Variants in ATRNL1 observed in about 807,000 individuals in gnomAD.
ATRNL1 encodes the protein attractin-like protein 1.
ATRNL1 carries 95 observed loss-of-function variants against 182.7 expected under a neutral mutation model. The observed-to-expected ratio is 0.52, with a 90% confidence interval of 0.44 to 0.62. The LOEUF (loss-of-function observed/expected upper bound fraction) is 0.62. Among genes scored for constraint, ATRNL1 ranks in the 20% least tolerant of loss-of-function variants. The pLI, the probability that ATRNL1 is intolerant of heterozygous loss-of-function variation, is 0.00. For synonymous variants in ATRNL1, 576 were observed against 568.3 expected, an observed-to-expected ratio of 1.01 and a Z score of -0.19; for missense variants, 1,471 against 1,679.5, an observed-to-expected ratio of 0.88 and a Z score of 2.17.
chr10:115,520,189 C>T (rs2133703515), intron 25 of ATRNL1, among the ~76,000 whole-genome samples: 1 of 152,226 alleles, frequency 6.6e-6, no homozygotes, highest in South Asian at 2.1e-4. Flanking sequence ...CAACACTCAC[C>T]AACTTGGCTG....
intron 6 of ATRNL1, among the ~76,000 whole-genome samples, chr10:115,162,278 A>T (rs990089778): frequency 1.2e-4 from 19 of 152,216 alleles, no homozygotes; most frequent in African/African-American, 4.3e-4. Flanking sequence ...GCCAAAGAAG[A>T]GGGAGTTGCA....
intron 21 of ATRNL1, among the ~76,000 whole-genome samples, chr10:115,442,157 G>A (rs535178759): frequency 7.2e-4 from 110 of 151,924 alleles, no homozygotes; most frequent in African/African-American, 2.5e-3. Flanking sequence ...TCCATGATGT[G>A]GCCCTTACCT....
chr10:115,920,884 A>C (rs1953036705), intron 28 of ATRNL1, among the ~76,000 whole-genome samples: 1 of 152,268 alleles, frequency 6.6e-6, no homozygotes, highest in Admixed American at 6.5e-5. Flanking sequence ...TCAAAATATC[A>C]GCACTTATTT....
intron 27 of ATRNL1, among the ~76,000 whole-genome samples, chr10:115,785,321 C>T (rs1269317799): frequency 6.6e-6 from 1 of 152,184 alleles, no homozygotes; most frequent in Non-Finnish European, 1.5e-5. Context: ...GGGAATAATC[C>T]TCTCATGATA....
At chr10:115,404,098 G>A (rs1001800876) in intron 20 of ATRNL1, among the ~76,000 whole-genome samples, 2 of 152,122 alleles carry the variant, frequency 1.3e-5, no homozygotes, top group African/African-American at 2.4e-5. Context: ...CCTATGTCAG[G>A]TAAATGTTTG....
intron 26 of ATRNL1, among the ~76,000 whole-genome samples, chr10:115,725,737 T>TC (rs75935010): frequency 0.37 from 56,195 of 151,946 alleles, 11,241 homozygotes; most frequent in East Asian, 0.59. Context: ...GCATTTACTA[T>TC]CCTTAGCATT....
intron 28 of ATRNL1, among the ~76,000 whole-genome samples, chr10:115,851,763 C>T (rs893636003): frequency 6.6e-5 from 10 of 152,078 alleles, no homozygotes; most frequent in African/African-American, 1.9e-4. Context: ...CACTGCAATC[C>T]GTGCCAGACT....
chr10:115,346,401 G>C (rs1380769945), intron 19 of ATRNL1, among the ~76,000 whole-genome samples: 2 of 152,136 alleles, frequency 1.3e-5, no homozygotes, highest in Non-Finnish European at 2.9e-5. Context: ...CTTAGCATAA[G>C]CCTTCATGGT....
At chr10:115,584,638 C>CT in intron 26 of ATRNL1, among the ~76,000 whole-genome samples, 1 of 150,606 alleles carries the variant, frequency 6.6e-6, no homozygotes, top group South Asian at 2.1e-4. Context: ...ATTCTTCTCT[C>CT]TTTTTTTCTT....
Position 115,669,940 on chromosome 10 carries a change from A to G in ATRNL1, c.3796-57308A>G, listed in dbSNP as rs187951693. 2.6e-5 allele frequency among the ~76,000 whole-genome samples: 4 copies of G among 152,198 alleles called. No individual in the cohort carries two copies. In the East Asian group the frequency reaches 5.8e-4, roughly 22 times the overall value. On this transcript the variant is annotated intron_variant, in intron 26 of 28. Transcript: ENST00000355044. The stretch of plus-strand genomic sequence containing the variant: ...GTTTTTAACAGCTCTCCAATTTCAT[A>G]ACTTGTCATTTCCCTTTTCTTTGAT...
At chr10:115,255,404 G>A (rs559034955) in intron 10 of ATRNL1, among the ~76,000 whole-genome samples, 12 of 152,234 alleles carry the variant, frequency 7.9e-5, no homozygotes, top group South Asian at 2.1e-4. Flanking sequence ...TGGCAATGGC[G>A]AATGGGAGTT....
intron 13 of ATRNL1, among the ~76,000 whole-genome samples, chr10:115,273,698 G>A (rs1851974752): frequency 1.3e-5 from 2 of 152,194 alleles, no homozygotes; most frequent in South Asian, 4.1e-4. Context: ...AGAACCATCT[G>A]TAAATGAAAC....
chr10:115,126,293 C>T (rs1420691679), intron 3 of ATRNL1, among the ~76,000 whole-genome samples: 2 of 152,130 alleles, frequency 1.3e-5, no homozygotes, highest in African/African-American at 2.4e-5. Context: ...CTCTTGACCT[C>T]GTTATCCGCC....
At chr10:115,255,527 G>A (rs1185018675) in intron 10 of ATRNL1, among the ~76,000 whole-genome samples, 1 of 152,180 alleles carries the variant, frequency 6.6e-6, no homozygotes, top group African/African-American at 2.4e-5. Context: ...TCAGCTTAAG[G>A]AGATTTTGGG....
chr10:115,373,571 G>T (rs1554948682), intron 19 of ATRNL1, among the ~76,000 whole-genome samples: 1 of 152,016 alleles, frequency 6.6e-6, no homozygotes, highest in Non-Finnish European at 1.5e-5. Context: ...AATCATGGAA[G>T]AATGTTGTAT....
chr10:115,744,610 A>G (rs1181029277), intron 27 of ATRNL1, among the ~76,000 whole-genome samples: 1 of 152,142 alleles, frequency 6.6e-6, no homozygotes, highest in African/African-American at 2.4e-5. Flanking sequence ...AAGATATTTC[A>G]TTATATTTAC....
rs538007855 is a variant in ATRNL1, at chr10:115,712,921, C to T, written c.3796-14327C>T. On this transcript the variant is annotated intron_variant, in intron 26 of 28. Coordinates refer to ENST00000355044, the MANE Select transcript of ATRNL1 (RefSeq NM_207303.4). Reference sequence around the variant, plus strand: ...ATTTTTAATCATATCAACCCAGTCCCGAGCACATCTTATTCATGCCTTCTC... The same window carrying T: ...ATTTTTAATCATATCAACCCAGTCCTGAGCACATCTTATTCATGCCTTCTC... 3.0e-4 allele frequency among the ~76,000 whole-genome samples: 45 copies of T among 151,998 alleles called. No homozygotes were observed. In the Middle Eastern group the frequency reaches 0.01, roughly 35 times the overall value.
chr10:115,654,549 A>C (rs1413679478), intron 26 of ATRNL1, among the ~76,000 whole-genome samples: 1 of 152,060 alleles, frequency 6.6e-6, no homozygotes. Flanking sequence ...ACTAATTTAA[A>C]ATGTTACCTG....
intron 26 of ATRNL1, among the ~76,000 whole-genome samples, chr10:115,690,739 G>A (rs1421408564): frequency 3.9e-5 from 6 of 152,174 alleles, no homozygotes; most frequent in African/African-American, 1.4e-4. Flanking sequence ...GCCCTCACAA[G>A]GGTGCCCAGC....
Sources: gnomAD v4.1 joint callset for allele counts (sites outside exome capture counted in the v4.1 genomes callset) on GRCh38, gnomAD v4.1.1 for gene constraint, MANE v1.5 for transcripts, NCBI Gene and HGNC (gene_info 2026-07-23, HGNC 2026-07-21) for gene names.